GRIA1: variants seen among roughly 807,000 people sequenced by gnomAD.
The protein encoded by GRIA1 is glutamate ionotropic receptor AMPA type subunit 1, also known as glutamate receptor 1.
In GRIA1, 31 loss-of-function variants were observed where a neutral mutation model predicts 99.2. The observed-to-expected ratio is 0.31, with a 90% CI of 0.23 to 0.42. GRIA1 has a LOEUF of 0.42. GRIA1 is among the 10% of genes least tolerant of loss of function. GRIA1 has a pLI of 1.00. For missense variants in GRIA1, 782 were observed against 1,157.5 expected, an observed-to-expected ratio of 0.68 and a Z score of 4.71; for synonymous variants, 438 against 432.4, an observed-to-expected ratio of 1.01 and a Z score of -0.16.
At position 153,755,165 on chromosome 5, in the gene GRIA1, C is replaced by T. The variant is rs901037585; in HGVS notation, c.1824-9269C>T. On this transcript the variant is annotated intron_variant, in intron 11 of 15. Transcript: ENST00000285900. ...CCAGGGGCCAGATCACACAAGGCCT[C>T]GAGGCTCATCAGAGTTTGAATTTAT... Among the ~76,000 whole-genome samples the T allele has an allele frequency of 1.4e-4, 22 of 152,192 alleles. No individual in the cohort carries two copies. In the South Asian group the frequency reaches 1.9e-3, roughly 13 times the overall value.
chr5:153,678,740 C>A (rs1334932346), intron 7 of GRIA1, among the ~76,000 whole-genome samples: 2 of 152,216 alleles, frequency 1.3e-5, no homozygotes, highest in African/African-American at 2.4e-5. Context: ...AAAGGATAGT[C>A]TGATGCCACC....
intron 8 of GRIA1, among the ~76,000 whole-genome samples, chr5:153,689,533 C>T (rs748476916): frequency 6.0e-4 from 92 of 152,126 alleles, no homozygotes; most frequent in Non-Finnish European, 3.2e-4. Context: ...ATTTTCTACA[C>T]GTTAGTGGTC....
chr5:153,586,655 C>G (rs1436298077), intron 2 of GRIA1, among the ~76,000 whole-genome samples: 1 of 152,052 alleles, frequency 6.6e-6, no homozygotes, highest in Non-Finnish European at 1.5e-5. Context: ...TGAGTGAGAA[C>G]CAGGAGAGTG....
chr5:153,656,383 TTATATATATATATATA>T (rs60245651), intron 5 of GRIA1, among the ~76,000 whole-genome samples: 9 of 92,664 alleles, frequency 9.7e-5, no homozygotes, highest in Admixed American at 4.1e-4. Flanking sequence ...ATAAGTTTGT[TTATATATATATATATA>T]TATATATATA....
chr5:153,517,742 T>A (rs576215032), intron 2 of GRIA1, among the ~76,000 whole-genome samples: 3 of 152,330 alleles, frequency 2.0e-5, no homozygotes, highest in Non-Finnish European at 4.4e-5. Context: ...CCCGTATCCC[T>A]CACACTGTGA....
At chr5:153,546,334 G>A (rs2113518093) in intron 2 of GRIA1, among the ~76,000 whole-genome samples, 1 of 152,266 alleles carries the variant, frequency 6.6e-6, no homozygotes, top group African/African-American at 2.4e-5. Context: ...ATGGCTAGTT[G>A]TAACACAGAT....
intron 14 of GRIA1, among the ~76,000 whole-genome samples, chr5:153,799,086 C>A (rs907111530): frequency 2.0e-5 from 3 of 151,298 alleles, no homozygotes; most frequent in East Asian, 3.9e-4. Context: ...TTTCCACCCC[C>A]CCCTGACAAG....
chr5:153,763,316 T>C (rs1763303798), intron 11 of GRIA1, among the ~76,000 whole-genome samples: 1 of 152,156 alleles, frequency 6.6e-6, no homozygotes, highest in Non-Finnish European at 1.5e-5. Flanking sequence ...CGAGGCACAG[T>C]AGACTCTTGG....
chr5:153,542,397 G>A (rs558573806), intron 2 of GRIA1, among the ~76,000 whole-genome samples: 11 of 152,258 alleles, frequency 7.2e-5, no homozygotes, highest in Admixed American at 1.3e-4. Flanking sequence ...TCCTTTTGAA[G>A]GAATAACATG....
chr5:153,592,954 C>A (rs1395524931), intron 2 of GRIA1, among the ~76,000 whole-genome samples: 1 of 152,126 alleles, frequency 6.6e-6, no homozygotes, highest in Non-Finnish European at 1.5e-5. Context: ...TGGGGCTCCA[C>A]CCTCGTGACC....
At chr5:153,607,007 A>G (rs534059778) in intron 2 of GRIA1, among the ~76,000 whole-genome samples, 1 of 148,328 alleles carries the variant, frequency 6.7e-6, no homozygotes, top group African/African-American at 2.5e-5. Context: ...CCCTCTTCCC[A>G]TTCTTTAAAA....
intron 2 of GRIA1, among the ~76,000 whole-genome samples, chr5:153,557,027 T>C (rs1227231162): frequency 6.6e-6 from 1 of 152,172 alleles, no homozygotes; most frequent in Non-Finnish European, 1.5e-5. Context: ...TATTTGTGTA[T>C]CTAAATATAT....
intron 7 of GRIA1, among the ~76,000 whole-genome samples, chr5:153,683,794 A>G (rs1757154176): frequency 6.6e-6 from 1 of 152,226 alleles, no homozygotes; most frequent in African/African-American, 2.4e-5. Context: ...AATAATATAA[A>G]CTATGCATTG....
chr5:153,677,932 C>G (rs1756706744), intron 7 of GRIA1, among the ~76,000 whole-genome samples: 1 of 152,136 alleles, frequency 6.6e-6, no homozygotes, highest in Non-Finnish European at 1.5e-5. Flanking sequence ...CTCAAACTGC[C>G]AAGGAATAGC....
intron 2 of GRIA1, among the ~76,000 whole-genome samples, chr5:153,601,779 C>T (rs1368476203): frequency 6.6e-6 from 1 of 152,136 alleles, no homozygotes; most frequent in Non-Finnish European, 1.5e-5. Flanking sequence ...TGTAAGGGAC[C>T]TTAGAGAGTC....
At chr5:153,679,564 G>T (rs1756829145) in intron 7 of GRIA1, among the ~76,000 whole-genome samples, 1 of 152,214 alleles carries the variant, frequency 6.6e-6, no homozygotes, top group Admixed American at 6.5e-5. Flanking sequence ...TGTGCTATGG[G>T]CCCAGGGGCC....
intron 11 of GRIA1, among the ~76,000 whole-genome samples, chr5:153,728,541 AAAAC>A (rs1486841433): frequency 1.0e-5 from 1 of 98,026 alleles, no homozygotes; most frequent in African/African-American, 4.3e-5. Context: ...TTACAAGAAA[AAAAC>A]AAACAACCCC....
chr5:153,503,868 G>C (rs1265299707), intron 2 of GRIA1, among the ~76,000 whole-genome samples: 1 of 152,214 alleles, frequency 6.6e-6, no homozygotes, highest in Non-Finnish European at 1.5e-5. Flanking sequence ...TCAAGGGCTT[G>C]ATTGATGTCA....
chr5:153,752,803 A>G (rs182656647), intron 11 of GRIA1, among the ~76,000 whole-genome samples: 41 of 152,326 alleles, frequency 2.7e-4, no homozygotes, highest in Admixed American at 2.0e-3. Flanking sequence ...GAGATTTTAT[A>G]GAGGCAATTA....
Sources: allele counts gnomAD v4.1 joint callset (sites outside exome capture counted in the v4.1 genomes callset), GRCh38; gene constraint gnomAD v4.1.1; transcripts MANE v1.5; gene names NCBI Gene and HGNC (gene_info 2026-07-23, HGNC 2026-07-21).